Variants in NECAB1 observed in about 807,000 individuals in gnomAD.
NECAB1 encodes the protein N-terminal EF-hand calcium binding protein 1.
Under a neutral mutation model 57.5 loss-of-function variants are expected in NECAB1, and 29 were observed. The observed-to-expected ratio is 0.50, with a 90% CI of 0.38 to 0.69. The LOEUF (loss-of-function observed/expected upper bound fraction) is 0.69, where lower values mean the gene tolerates loss of function less well. Among genes scored for constraint, NECAB1 ranks in the 30% least tolerant of loss-of-function variants. The probability of loss-of-function intolerance (pLI) is 0.00; values close to 1 mark genes in which losing one functional copy is unlikely to be tolerated. For missense variants in NECAB1, 372 were observed against 413.8 expected, an observed-to-expected ratio of 0.90 and a Z score of 0.88; for synonymous variants, 142 against 147.7, an observed-to-expected ratio of 0.96 and a Z score of 0.28.
rs539054789 is a variant in NECAB1, at chr8:90,905,762, G to A, written c.358-11730G>A. Among the ~76,000 whole-genome samples, 9 of 152,032 alleles carry A rather than the reference G, an allele frequency of 5.9e-5. No individual in the cohort carries two copies. In the South Asian group the frequency reaches 1.0e-3, roughly 18 times the overall value. On this transcript the variant is annotated intron_variant, in intron 5 of 12. Coordinates refer to ENST00000417640, the MANE Select transcript of NECAB1 (RefSeq NM_022351.5). ...CCTTATATGTAAGTTAAATACTCTCGTTCTCTTCTCTGTCACTTCTATTTC... is the reference window on the plus strand; with the variant it reads ...CCTTATATGTAAGTTAAATACTCTCATTCTCTTCTCTGTCACTTCTATTTC...
chr8:90,896,498 A>G (rs960757584), intron 5 of NECAB1, among the ~76,000 whole-genome samples: 3 of 152,004 alleles, frequency 2.0e-5, no homozygotes, highest in Non-Finnish European at 2.9e-5. Context: ...CCAGCTACTC[A>G]GGAGGCTGAG....
intron 4 of NECAB1, among the ~76,000 whole-genome samples, chr8:90,878,825 CAACTT>C (rs1808774960): frequency 6.6e-6 from 1 of 151,394 alleles, no homozygotes; most frequent in Non-Finnish European, 1.5e-5. Flanking sequence ...AGTGGAAAGA[CAACTT>C]AAATTCTCTC....
intron 3 of NECAB1, among the ~76,000 whole-genome samples, chr8:90,847,025 C>A (rs1812579119): frequency 1.3e-5 from 2 of 152,276 alleles, no homozygotes; most frequent in Middle Eastern, 3.4e-3. Context: ...AACAGTCCCC[C>A]AAAGTCTTAA....
At chr8:90,872,061 A>T in intron 3 of NECAB1, 67 bp from the exon 4 acceptor site, 1 of 1,258,360 alleles carries the variant, frequency 7.9e-7, no homozygotes, top group Non-Finnish European at 1.1e-6. Context: ...GTATTTAACT[A>T]TTTAAAAACG....
chr8:90,826,363 C>T (rs1812224622), intron 3 of NECAB1, among the ~76,000 whole-genome samples: 1 of 151,864 alleles, frequency 6.6e-6, no homozygotes, highest in Non-Finnish European at 1.5e-5. Flanking sequence ...AGCCAGGCTG[C>T]AACGTCTTTA....
At chr8:90,814,424 C>A (rs902247641) in intron 2 of NECAB1, among the ~76,000 whole-genome samples, 2 of 152,136 alleles carry the variant, frequency 1.3e-5, no homozygotes, top group African/African-American at 4.8e-5. Context: ...TCACTATGCC[C>A]AACCCACACC....
chr8:90,835,968 G>T (rs1328520531), intron 3 of NECAB1, among the ~76,000 whole-genome samples: 2 of 152,212 alleles, frequency 1.3e-5, no homozygotes, highest in African/African-American at 4.8e-5. Context: ...AAGGAGAACT[G>T]ATTCCTTTTG....
chr8:90,797,925 T>C (rs1811689556), intron 1 of NECAB1, among the ~76,000 whole-genome samples: 1 of 152,216 alleles, frequency 6.6e-6, no homozygotes, highest in Non-Finnish European at 1.5e-5. Flanking sequence ...GGTTATATAT[T>C]GTATTAGTTT....
chr8:90,793,851 C>T (rs1205642146), intron 1 of NECAB1, among the ~76,000 whole-genome samples: 1 of 152,210 alleles, frequency 6.6e-6, no homozygotes, highest in African/African-American at 2.4e-5. Flanking sequence ...CTGACTCATA[C>T]ACCAGCCATT....
chr8:90,824,251 A>G (rs1274144865), intron 2 of NECAB1, among the ~76,000 whole-genome samples: 1 of 151,894 alleles, frequency 6.6e-6, no homozygotes, highest in Non-Finnish European at 1.5e-5. Context: ...TAAAGGGCAT[A>G]GGAATGGACA....
chr8:90,835,264 G>T (rs1376150423), intron 3 of NECAB1, among the ~76,000 whole-genome samples: 1 of 152,086 alleles, frequency 6.6e-6, no homozygotes, highest in Non-Finnish European at 1.5e-5. Context: ...ATAAATTCCT[G>T]CTTCCTCAAA....
At position 90,928,207 on chromosome 8, in the gene NECAB1, T is replaced by C. The variant is rs749879811; in HGVS notation, c.617-16T>C. On this transcript the variant is annotated splice_polypyrimidine_tract_variant and intron_variant, in intron 7 of 12. Coordinates refer to ENST00000417640, the MANE Select transcript of NECAB1 (RefSeq NM_022351.5). ...AAAGTTTAACATATTGCCCTCATGA[T>C]TCCCCCTGGCCCCAGGCTTATTAGA... is the stretch of plus-strand genomic sequence containing the variant. 3.2e-6 allele frequency: 5 copies of C among 1,586,516 alleles called. No homozygotes were observed. The highest frequency in any genetic ancestry group is 1.7e-5 in the Admixed American group (1 of 57,718).
intron 5 of NECAB1, among the ~76,000 whole-genome samples, chr8:90,891,390 ATTGT>A (rs1421989023): frequency 6.6e-6 from 1 of 151,978 alleles, no homozygotes; most frequent in Non-Finnish European, 1.5e-5. Context: ...ATTGATCTTT[ATTGT>A]TTATTTGTAA....
At position 90,917,646 on chromosome 8, in the gene NECAB1, A is replaced by C. The variant is rs769098767; in HGVS notation, c.494+18A>C. ...CAAGAAAGGCAATTTACATGTTTTC[A>C]TCTGATGTCTATTTAGTGACTCTAT... On this transcript the variant is annotated intron_variant, in intron 6 of 12. Transcript: ENST00000417640. The C allele has an allele frequency of 8.1e-6, 13 of 1,599,622 alleles. No individual in the cohort carries two copies. The highest frequency in any genetic ancestry group is 9.4e-6 in the Non-Finnish European group (11 of 1,172,018).
intron 5 of NECAB1, among the ~76,000 whole-genome samples, chr8:90,905,223 C>T (rs572528130): frequency 3.3e-5 from 5 of 152,178 alleles, no homozygotes; most frequent in African/African-American, 1.2e-4. Flanking sequence ...TACATAATAG[C>T]AAATGATTTG....
rs1014549568 is a variant in NECAB1, at chr8:90,950,980, G to T, written c.939-133G>T. ...TTTGAAAGCTGAACAACCATTAAAAGAAGCTTGTATCCAGGAGCTTATTTA... is the reference window on the plus strand; with the variant it reads ...TTTGAAAGCTGAACAACCATTAAAATAAGCTTGTATCCAGGAGCTTATTTA... On this transcript the variant is annotated intron_variant, in intron 11 of 12. Coordinates refer to ENST00000417640, the MANE Select transcript of NECAB1 (RefSeq NM_022351.5). 1.2e-5 allele frequency: 5 copies of T among 417,610 alleles called. No individual in the cohort carries two copies. The Admixed American group carries it at 1.3e-4, about 11-fold the overall frequency. The allele number at this position is 417,610 out of a possible 1,614,324, so 25.9% of individuals were successfully genotyped here. A position where few individuals can be genotyped will look rare whatever the true frequency, so the allele number is the denominator to read the frequency against.
intron 5 of NECAB1, among the ~76,000 whole-genome samples, chr8:90,911,981 G>A (rs1171407669): frequency 6.6e-6 from 1 of 152,150 alleles, no homozygotes; most frequent in African/African-American, 2.4e-5. Flanking sequence ...ATTTTAAAAG[G>A]TTGAATACTT....
intron 3 of NECAB1, among the ~76,000 whole-genome samples, chr8:90,835,669 C>T (rs1008329768): frequency 2.0e-5 from 3 of 152,036 alleles, no homozygotes; most frequent in African/African-American, 7.2e-5. Context: ...CATTTAATTA[C>T]ATAATATCTT....
At chr8:90,901,605 C>T (rs1434795083) in intron 5 of NECAB1, among the ~76,000 whole-genome samples, 7 of 152,200 alleles carry the variant, frequency 4.6e-5, no homozygotes, top group Non-Finnish European at 8.8e-5. Flanking sequence ...TCTGGCCTTC[C>T]TTTTGAAAAT....
Sources: allele counts gnomAD v4.1 joint callset (sites outside exome capture counted in the v4.1 genomes callset), GRCh38; gene constraint gnomAD v4.1.1; transcripts MANE v1.5; gene names NCBI Gene and HGNC (gene_info 2026-07-23, HGNC 2026-07-21).